RBFOX1: variants seen among roughly 807,000 people sequenced by gnomAD.
The protein encoded by RBFOX1 is RNA binding fox-1 homolog 1, also known as RNA binding protein fox-1 homolog 1.
RBFOX1 carries 8 observed loss-of-function variants against 57.7 expected under a neutral mutation model. The observed-to-expected ratio is 0.14, with a 90% CI of 0.08 to 0.25. The LOEUF (loss-of-function observed/expected upper bound fraction) is 0.25, where lower values mean the gene tolerates loss of function less well. Ranked by LOEUF, RBFOX1 falls within the 10% of genes least tolerant of loss-of-function variation. The pLI is 1.00. For missense variants in RBFOX1, 611 were observed against 548.5 expected, an observed-to-expected ratio of 1.11 and a Z score of -1.14; for synonymous variants, 326 against 222.4, an observed-to-expected ratio of 1.47 and a Z score of -4.15.
intron 2 of RBFOX1, among the ~76,000 whole-genome samples, chr16:6,374,812 A>G (rs2090955809): frequency 1.3e-5 from 2 of 152,192 alleles, no homozygotes; most frequent in Admixed American, 1.3e-4. Flanking sequence ...AGTCAAATCA[A>G]TTTTTATTCT....
At chr16:6,222,677 C>G (rs975695433) in intron 1 of RBFOX1, among the ~76,000 whole-genome samples, 1 of 120,236 alleles carries the variant, frequency 8.3e-6, no homozygotes, top group Admixed American at 9.5e-5. Context: ...TAAGAATTTT[C>G]TTTTCTTTTA....
At chr16:7,571,240 G>A (rs1375791628) in intron 5 of RBFOX1, among the ~76,000 whole-genome samples, 1 of 152,080 alleles carries the variant, frequency 6.6e-6, no homozygotes, top group Non-Finnish European at 1.5e-5. Flanking sequence ...CTGTGCTTCT[G>A]TACCCACTTA....
chr16:5,753,093 G>T (rs1257276731), intron 3 of RBFOX1, among the ~76,000 whole-genome samples: 1 of 152,010 alleles, frequency 6.6e-6, no homozygotes, highest in Admixed American at 6.5e-5. Context: ...CTAGGAGGTT[G>T]AGACTGCAGT....
rs71406370 is a variant in RBFOX1 at position 6,351,323 on chromosome 16, CGTGTGTGT to C, written c.-64+34289_-64+34296del. Among the ~76,000 whole-genome samples the C allele has an allele frequency of 1.9e-3, 219 of 112,910 alleles. 2 individuals carry two copies. The highest frequency in any genetic ancestry group is 6.9e-3 in the African/African-American group (203 of 29,214). The allele number at this position is 112,910 out of a possible 152,430, so 74.1% of individuals were successfully genotyped here. On this transcript the variant is annotated intron_variant, in intron 2 of 15. Coordinates refer to ENST00000550418, the MANE Select transcript of RBFOX1 (RefSeq NM_018723.4). ...GTATACATAAAATATATATATATAA[CGTGTGTGT>C]GTGTGTGTGTGTGTGTGTGTGTATA...
intron 4 of RBFOX1, among the ~76,000 whole-genome samples, chr16:5,985,371 T>G (rs1210907098): frequency 1.3e-5 from 2 of 152,038 alleles, no homozygotes; most frequent in Non-Finnish European, 2.9e-5. Flanking sequence ...AGTTCAGGAC[T>G]GTATTAATTC....
At chr16:7,521,472 G>C (rs1289091104) in intron 5 of RBFOX1, among the ~76,000 whole-genome samples, 1 of 152,144 alleles carries the variant, frequency 6.6e-6, no homozygotes, top group Non-Finnish European at 1.5e-5. Flanking sequence ...TCTAGTTGGG[G>C]AGCTGAGATG....
Position 6,734,906 on chromosome 16 carries a change from G to T in RBFOX1, c.-16+80256G>T, listed in dbSNP as rs1603475792. On this transcript the variant is annotated intron_variant, in intron 3 of 15. Coordinates refer to ENST00000550418, the MANE Select transcript of RBFOX1 (RefSeq NM_018723.4). ...TAGTAAAGGTTATCAGAATGTATTAGGTTGTGTTGCCTCGCTTGAGCCCAG... is the reference window on the plus strand; with the variant it reads ...TAGTAAAGGTTATCAGAATGTATTATGTTGTGTTGCCTCGCTTGAGCCCAG... Among the ~76,000 whole-genome samples the T allele has an allele frequency of 3.3e-5, 5 of 152,260 alleles. No individual in the cohort carries two copies. The South Asian group carries it at 8.3e-4, about 25-fold the overall frequency.
chr16:6,386,404 C>A, intron 2 of RBFOX1, among the ~76,000 whole-genome samples: 1 of 152,304 alleles, frequency 6.6e-6, no homozygotes, highest in East Asian at 1.9e-4. Flanking sequence ...TCATCCACTT[C>A]TTGCTGTGTA....
chr16:6,704,965 T>C (rs532165741), intron 3 of RBFOX1: 37 of 152,178 alleles, frequency 2.4e-4, no homozygotes, highest in Non-Finnish European at 4.6e-4. Context: ...AGATTCTTTA[T>C]TTGGGATAAT....
rs76809683 is a variant in RBFOX1 at position 7,325,952 on chromosome 16, T to C, written c.28-192195T>C. On this transcript the variant is annotated intron_variant, in intron 4 of 15. Transcript: ENST00000550418. The stretch of plus-strand genomic sequence containing the variant: ...CATGTCTGGCAGTGAGTGTCATTTC[T>C]CAGTTCTGGTTCAAGCTGATACCCT... Among the ~76,000 whole-genome samples the C allele has an allele frequency of 4.3e-4, 65 of 152,326 alleles. No individual in the cohort carries two copies. In the East Asian group the frequency reaches 9.6e-3, roughly 23 times the overall value.
intron 4 of RBFOX1, among the ~76,000 whole-genome samples, chr16:7,232,953 A>C (rs2093585080): frequency 1.3e-5 from 2 of 151,954 alleles, no homozygotes. Context: ...ATATTTCTCA[A>C]AACTTGTTCT....
intron 5 of RBFOX1, among the ~76,000 whole-genome samples, chr16:7,562,152 T>G (rs1160677504): frequency 1.3e-5 from 2 of 152,178 alleles, no homozygotes; most frequent in East Asian, 3.9e-4. Flanking sequence ...GTGGCAACAA[T>G]CTTGGGAGTA....
At chr16:7,695,380 A>G (rs1282400535) in intron 14 of RBFOX1, among the ~76,000 whole-genome samples, 2 of 136,324 alleles carry the variant, frequency 1.5e-5, no homozygotes, top group African/African-American at 5.5e-5. Flanking sequence ...CTTCTAGGGC[A>G]TCATCTCCTA....
At chr16:6,576,793 G>C (rs1239104104) in intron 2 of RBFOX1, 7 of 152,208 alleles carry the variant, frequency 4.6e-5, no homozygotes, top group Admixed American at 4.6e-4. Flanking sequence ...CCTGGGGGAA[G>C]GGTGTTAAGC....
chr16:7,585,724 G>C (rs1217869473), intron 6 of RBFOX1, among the ~76,000 whole-genome samples: 1 of 152,144 alleles, frequency 6.6e-6, no homozygotes, highest in African/African-American at 2.4e-5. Flanking sequence ...GTTTCTGGGA[G>C]GGTGGATTTC....
intron 3 of RBFOX1, among the ~76,000 whole-genome samples, chr16:7,029,059 T>TACATAC (rs2041885455): frequency 1.3e-4 from 4 of 30,242 alleles, no homozygotes. Context: ...TATATATATA[T>TACATAC]ATATATATAT....
chr16:7,654,044 C>A (rs868135020), intron 12 of RBFOX1, 97 bp downstream of exon 12: 1 of 1,288,868 alleles, frequency 7.8e-7, no homozygotes, highest in East Asian at 2.7e-5. Flanking sequence ...CTTGACTCCC[C>A]CTCCGCCACC....
At chr16:7,568,980 G>C (rs889126308) in intron 5 of RBFOX1, among the ~76,000 whole-genome samples, 1 of 151,356 alleles carries the variant, frequency 6.6e-6, no homozygotes, top group African/African-American at 2.4e-5. Flanking sequence ...TATTCAAGAT[G>C]GAGTTGCTTT....
intron 3 of RBFOX1, among the ~76,000 whole-genome samples, chr16:6,724,396 G>C (rs968803408): frequency 3.9e-5 from 6 of 151,926 alleles, no homozygotes; most frequent in African/African-American, 1.5e-4. Context: ...TTTTAGTAGA[G>C]ACAGGTTTCA....
Sources: gnomAD v4.1 joint callset for allele counts (sites outside exome capture counted in the v4.1 genomes callset) on GRCh38, gnomAD v4.1.1 for gene constraint, MANE v1.5 for transcripts, NCBI Gene and HGNC (gene_info 2026-07-23, HGNC 2026-07-21) for gene names.